The following CHSY1 variants were observed in gnomAD, a reference collection of about 807,000 sequenced individuals.
The protein encoded by CHSY1 is chondroitin sulfate synthase 1.
CHSY1 carries 13 observed loss-of-function variants against 59.8 expected under a neutral mutation model. The observed-to-expected ratio is 0.22, with a 90% CI of 0.14 to 0.35. CHSY1 has a LOEUF of 0.35. Ranked by LOEUF, CHSY1 falls within the 10% of genes least tolerant of loss-of-function variation. The probability of loss-of-function intolerance (pLI) is 1.00; values close to 1 mark genes in which losing one functional copy is unlikely to be tolerated. For synonymous variants in CHSY1, 459 were observed against 401.2 expected, an observed-to-expected ratio of 1.14 and a Z score of -1.72; for missense variants, 947 against 1,030.6, an observed-to-expected ratio of 0.92 and a Z score of 1.11.
At chr15:101,184,734 G>A (rs923878893) in intron 2 of CHSY1, among the ~76,000 whole-genome samples, 40 of 152,144 alleles carry the variant, frequency 2.6e-4, no homozygotes, top group African/African-American at 9.4e-4. Context: ...TTGGGGGAGG[G>A]AGCACCTGAG....
chr15:101,201,917 A>G (rs1163308920), intron 2 of CHSY1, among the ~76,000 whole-genome samples: 3 of 152,222 alleles, frequency 2.0e-5, no homozygotes, highest in Admixed American at 1.3e-4. Flanking sequence ...GCCAGCAGCA[A>G]GCCAGCCAGG....
intron 2 of CHSY1, chr15:101,189,366 T>G: frequency 1.2e-6 from 1 of 824,612 alleles, no homozygotes; most frequent in South Asian, 5.6e-5. Context: ...TGATATAAGC[T>G]CTAGTCTAGG....
At chr15:101,203,785 A>G (rs1361055735) in intron 2 of CHSY1, among the ~76,000 whole-genome samples, 2 of 152,204 alleles carry the variant, frequency 1.3e-5, no homozygotes, top group Non-Finnish European at 2.9e-5. Flanking sequence ...AGGACAAATA[A>G]CTACAAAATA....
At chr15:101,215,934 C>G (rs1031972309) in intron 2 of CHSY1, among the ~76,000 whole-genome samples, 1 of 152,026 alleles carries the variant, frequency 6.6e-6, no homozygotes, top group Non-Finnish European at 1.5e-5. Context: ...ATTCTAGATG[C>G]CTGAGGCACA....
chr15:101,213,683 C>T (rs752072461), intron 2 of CHSY1, among the ~76,000 whole-genome samples: 4 of 152,204 alleles, frequency 2.6e-5, no homozygotes, highest in Non-Finnish European at 5.9e-5. Flanking sequence ...GCTGAAGTCA[C>T]TCAAACTATT....
intron 2 of CHSY1, among the ~76,000 whole-genome samples, chr15:101,218,571 C>T (rs527738247): frequency 7.9e-5 from 12 of 152,258 alleles, no homozygotes; most frequent in Non-Finnish European, 1.6e-4. Context: ...GCTGAGATCG[C>T]GCCACTGCAC....
intron 2 of CHSY1, among the ~76,000 whole-genome samples, chr15:101,229,226 A>G (rs1196926574): frequency 6.6e-6 from 1 of 152,244 alleles, no homozygotes; most frequent in South Asian, 2.1e-4. Flanking sequence ...CAGTAATTAT[A>G]TTAAATGCAA....
intron 2 of CHSY1, among the ~76,000 whole-genome samples, chr15:101,226,354 T>A (rs1264417839): frequency 6.6e-6 from 1 of 152,190 alleles, no homozygotes; most frequent in African/African-American, 2.4e-5. Context: ...AATTTATCCT[T>A]GGAACCACCC....
chr15:101,242,161 G>T lies in CHSY1; in HGVS notation c.321-6584C>A, dbSNP rs868755945. ...TTTACATTCTCCCCTGTTACAGAAGGGATTTAAGACAACTTAACCAAAATC... is the reference window on the plus strand; with the variant it reads ...TTTACATTCTCCCCTGTTACAGAAGTGATTTAAGACAACTTAACCAAAATC... On this transcript the variant is annotated intron_variant, in intron 1 of 2. Transcript: ENST00000254190. Among the ~76,000 whole-genome samples, 11 of 145,166 alleles carry T rather than the reference G, an allele frequency of 7.6e-5. No individual in the cohort carries two copies. The East Asian group carries it at 2.1e-3, about 28-fold the overall frequency.
chr15:101,178,615 T>C lies in CHSY1; in HGVS notation c.1182A>G (p.Arg394=), dbSNP rs763234060. 6.2e-7 allele frequency: 1 copy of C among 1,614,204 alleles called. No homozygotes were observed. The highest frequency in any genetic ancestry group is 8.5e-7 in the Non-Finnish European group (1 of 1,180,042). The change falls in exon 3 of 3, where the codon CGA becomes CGG. Residue 394 remains arginine, a synonymous_variant. Transcript: ENST00000254190. ...LYSAVDGQPP[R]RGMDSAQREA... ...CCCTCTGGGCGGAGTCCATTCCTCT[T>C]CGAGGGGGCTGGCCGTCAACTGCCG...
intron 2 of CHSY1, among the ~76,000 whole-genome samples, chr15:101,224,343 T>C (rs932580330): frequency 6.6e-6 from 1 of 152,222 alleles, no homozygotes; most frequent in Non-Finnish European, 1.5e-5. Context: ...CTGGGGGCAT[T>C]TGTGTGCCAA....
intron 2 of CHSY1, among the ~76,000 whole-genome samples, chr15:101,198,890 G>A (rs972414726): frequency 5.3e-5 from 8 of 152,134 alleles, no homozygotes; most frequent in East Asian, 1.9e-4. Context: ...ACATTTACCC[G>A]CCAACCCTTT....
chr15:101,219,108 G>C (rs1015105296), intron 2 of CHSY1, among the ~76,000 whole-genome samples: 1 of 152,206 alleles, frequency 6.6e-6, no homozygotes, highest in Non-Finnish European at 1.5e-5. Flanking sequence ...AACGGAAGCA[G>C]AGGCTTAGAA....
chr15:101,212,124 C>T (rs548428178), intron 2 of CHSY1, among the ~76,000 whole-genome samples: 6 of 152,206 alleles, frequency 3.9e-5, no homozygotes, highest in Admixed American at 1.3e-4. Context: ...GCACTACACA[C>T]CCATCAGAAT....
chr15:101,236,811 C>T (rs982337529), intron 1 of CHSY1, among the ~76,000 whole-genome samples: 2 of 151,948 alleles, frequency 1.3e-5, no homozygotes, highest in Admixed American at 6.6e-5. Context: ...GGAGACAGAG[C>T]AAGACTCTGT....
chr15:101,177,269 T>C lies in CHSY1; in HGVS notation c.*119A>G. The C allele has an allele frequency of 1.4e-5, 13 of 943,442 alleles. No individual in the cohort carries two copies. Among genetic ancestry groups the C allele is most frequent in the Non-Finnish European group, 1.9e-5 (12 of 643,572 alleles). 58.4% of individuals were successfully genotyped at this position (943,442 alleles called of 1,614,324 possible). ...AAAGCTCAATCTTAAAGGAGTCCTA[T>C]GTAAGAAAACCACTTGTAAAATATA... On this transcript the variant is annotated 3_prime_UTR_variant, in exon 3 of 3. Transcript: ENST00000254190.
At chr15:101,200,282 T>C (rs975846780) in intron 2 of CHSY1, among the ~76,000 whole-genome samples, 1 of 152,130 alleles carries the variant, frequency 6.6e-6, no homozygotes, top group South Asian at 2.1e-4. Context: ...TACGCAAAAA[T>C]GCCATCTATC....
In CHSY1 at chr15:101,176,631, T is replaced by C. The variant is rs904377170; in HGVS notation, c.*757A>G. ...TTGCATGGTGAAACCCCGTCTCTAC[T>C]AAAAATACAAAAAAACTAGCTGGGC... is the stretch of plus-strand genomic sequence containing the variant. On this transcript the variant is annotated 3_prime_UTR_variant, in exon 3 of 3. Transcript: ENST00000254190. 5.4e-6 allele frequency: 2 copies of C among 370,690 alleles called. No individual in the cohort carries two copies. Among genetic ancestry groups the C allele is most frequent in the Non-Finnish European group, 4.8e-6 (1 of 209,298 alleles). 23.0% of individuals were successfully genotyped at this position (370,690 alleles called of 1,614,324 possible).
chr15:101,236,622 C>A (rs1313181615), intron 1 of CHSY1, among the ~76,000 whole-genome samples: 5 of 151,878 alleles, frequency 3.3e-5, no homozygotes, highest in Admixed American at 6.6e-5. Context: ...GAGATTGAGA[C>A]CATCCTGTCT....
Sources: allele counts gnomAD v4.1 joint callset (sites outside exome capture counted in the v4.1 genomes callset), GRCh38; gene constraint gnomAD v4.1.1; transcripts MANE v1.5; gene names NCBI Gene and HGNC (gene_info 2026-07-23, HGNC 2026-07-21).